The following OSMR variants were observed in gnomAD, a reference collection of about 807,000 sequenced individuals.
OSMR encodes the protein oncostatin M receptor.
OSMR carries 81 observed loss-of-function variants against 99.9 expected under a neutral mutation model. The observed-to-expected ratio is 0.81, with a 90% CI of 0.68 to 0.97. OSMR has a LOEUF of 0.97. OSMR is among the 50% of genes least tolerant of loss of function. The probability of loss-of-function intolerance (pLI) is 0.00; values close to 1 mark genes in which losing one functional copy is unlikely to be tolerated. For synonymous variants in OSMR, 406 were observed against 410.4 expected, an observed-to-expected ratio of 0.99 and a Z score of 0.13; for missense variants, 1,099 against 1,153.4, an observed-to-expected ratio of 0.95 and a Z score of 0.68.
At chr5:38,945,061 T>C in exon 3 of OSMR, 1 of 1,595,758 alleles carries the variant, frequency 6.3e-7, no homozygotes, top group Non-Finnish European at 8.6e-7. Context: ...ATGGAATATC[T>C]TGAAAGTCTG....
chr5:38,914,968 A>G (rs1445485749), intron 9 of OSMR, among the ~76,000 whole-genome samples: 1 of 152,148 alleles, frequency 6.6e-6, no homozygotes, highest in Non-Finnish European at 1.5e-5. Context: ...ATGCACATGT[A>G]CTCCCTGACT....
At chr5:38,881,917 T>C (rs1034609794) in intron 4 of OSMR, among the ~76,000 whole-genome samples, 153 bp downstream of exon 4, 2 of 152,236 alleles carry the variant, frequency 1.3e-5, no homozygotes, top group Non-Finnish European at 1.5e-5. Flanking sequence ...AACACAGGTG[T>C]GAAACTTGGC....
At chr5:38,923,281 C>T (rs1443586151) in intron 13 of OSMR, 27 bp downstream of exon 13, 5 of 1,317,860 alleles carry the variant, frequency 3.8e-6, no homozygotes, top group Non-Finnish European at 4.4e-6. Context: ...TAATGTGCCC[C>T]ATGTGCAGAC....
chr5:38,898,157 G>A (rs530386883), intron 7 of OSMR, among the ~76,000 whole-genome samples: 1 of 152,166 alleles, frequency 6.6e-6, no homozygotes, highest in Non-Finnish European at 1.5e-5. Context: ...TTTCTTTGTT[G>A]ATTTTCTGTC....
intron 1 of OSMR, among the ~76,000 whole-genome samples, chr5:38,859,064 C>T (rs564288045): frequency 1.3e-5 from 2 of 152,218 alleles, no homozygotes; most frequent in South Asian, 2.1e-4. Flanking sequence ...CTCTTCACTC[C>T]GTTGATTGTT....
chr5:38,852,688 T>G (rs916939373), intron 1 of OSMR, among the ~76,000 whole-genome samples: 13 of 151,262 alleles, frequency 8.6e-5, no homozygotes, highest in Middle Eastern at 6.8e-3. Flanking sequence ...GGGATAGCTC[T>G]TTGTGATACA....
At chr5:38,887,521 A>G (rs1020965982) in intron 7 of OSMR, among the ~76,000 whole-genome samples, 1 of 152,188 alleles carries the variant, frequency 6.6e-6, no homozygotes, top group African/African-American at 2.4e-5. Context: ...AAAGTGTAAG[A>G]GAGTTCTGGA....
chr5:38,903,813 C>T, intron 7 of OSMR, 69 bp from the exon 8 acceptor site: 1 of 1,551,836 alleles, frequency 6.4e-7, no homozygotes, highest in Non-Finnish European at 8.7e-7. Flanking sequence ...AAGAAATAAA[C>T]TGCCTATTAC....
chr5:38,917,149 C>G (rs995623402), intron 9 of OSMR, among the ~76,000 whole-genome samples: 2 of 152,150 alleles, frequency 1.3e-5, no homozygotes, highest in Non-Finnish European at 2.9e-5. Flanking sequence ...TAGCGGGTTC[C>G]CCATCACTGT....
At position 38,929,017 on chromosome 5, in the gene OSMR, T is replaced by C. The variant is rs970507116; in HGVS notation, c.2213-2866T>C. On this transcript the variant is annotated intron_variant, in intron 15 of 17. Transcript: ENST00000274276. ...GCTTGGCTTGTGACTATTGATTATATTATTATTTGAAAGAAAATATTTGAA... is the reference window on the plus strand; with the variant it reads ...GCTTGGCTTGTGACTATTGATTATACTATTATTTGAAAGAAAATATTTGAA... 5.9e-5 allele frequency among the ~76,000 whole-genome samples: 9 copies of C among 152,294 alleles called. No homozygotes were observed. In the South Asian group the frequency reaches 1.2e-3, roughly 21 times the overall value.
intron 15 of OSMR, among the ~76,000 whole-genome samples, chr5:38,928,206 C>T (rs987384744): frequency 6.6e-6 from 1 of 152,180 alleles, no homozygotes; most frequent in African/African-American, 2.4e-5. Flanking sequence ...TTTCCCACAT[C>T]TTCCTCTCTT....
At position 38,846,180 on chromosome 5, in the gene OSMR, C is replaced by G. The variant is rs1386000262; in HGVS notation, c.-221C>G. ...CTCTGCTCGCGCCCTGCCGCTGCGC[C>G]GCCCTCGGTGGCTTTTCCGACGGGC... On this transcript the variant is annotated 5_prime_UTR_variant, in exon 1 of 18. Transcript: ENST00000274276. The G allele has an allele frequency of 6.6e-6, 1 of 152,278 alleles. No individual in the cohort carries two copies. The highest frequency in any genetic ancestry group is 1.5e-5 in the Non-Finnish European group (1 of 68,096). 9.4% of individuals were successfully genotyped at this position (152,278 alleles called of 1,614,324 possible).
intron 1 of OSMR, chr5:38,942,408 C>A: frequency 7.2e-7 from 1 of 1,397,088 alleles, no homozygotes. Context: ...TCATCAATTA[C>A]TTTTATAAAA....
intron 15 of OSMR, among the ~76,000 whole-genome samples, chr5:38,928,910 C>T (rs545378045): frequency 6.6e-5 from 10 of 152,158 alleles, no homozygotes; most frequent in African/African-American, 2.4e-4. Context: ...CACACACACA[C>T]ATGTGCACAC....
intron 12 of OSMR, among the ~76,000 whole-genome samples, chr5:38,922,402 T>C (rs1746278009): frequency 6.6e-6 from 1 of 152,114 alleles, no homozygotes; most frequent in Admixed American, 6.5e-5. Flanking sequence ...GGAAGGAGAT[T>C]GCAGAGGTAC....
At chr5:38,922,656 C>A (rs1746288806) in intron 12 of OSMR, among the ~76,000 whole-genome samples, 2 of 152,054 alleles carry the variant, frequency 1.3e-5, no homozygotes, top group Admixed American at 1.3e-4. Context: ...GACAGTGGGG[C>A]CAGGTGTTTG....
chr5:38,941,702 A>G (rs1021501767), intron 1 of OSMR: 2 of 232,128 alleles, frequency 8.6e-6, no homozygotes, highest in Non-Finnish European at 1.7e-5. Context: ...AAAATAACTT[A>G]TAAGTCCCGG....
intron 9 of OSMR, among the ~76,000 whole-genome samples, chr5:38,910,039 C>G (rs1464428917): frequency 6.6e-6 from 1 of 152,160 alleles, no homozygotes; most frequent in Non-Finnish European, 1.5e-5. Flanking sequence ...AAAAATCTAC[C>G]AACCAAACAA....
At chr5:38,887,391 A>G (rs1480782415) in intron 7 of OSMR, among the ~76,000 whole-genome samples, 2 of 152,168 alleles carry the variant, frequency 1.3e-5, no homozygotes, top group Non-Finnish European at 2.9e-5. Context: ...ATTTTTTTAT[A>G]TTAAGTGAGA....
Sources: allele counts gnomAD v4.1 joint callset (sites outside exome capture counted in the v4.1 genomes callset), GRCh38; gene constraint gnomAD v4.1.1; transcripts MANE v1.5; gene names NCBI Gene and HGNC (gene_info 2026-07-23, HGNC 2026-07-21).